SCN11A: variants seen among roughly 807,000 people sequenced by gnomAD.
SCN11A encodes the protein sodium channel protein type 11 subunit alpha.
SCN11A carries 122 observed loss-of-function variants against 162.2 expected under a neutral mutation model. That is an observed-to-expected ratio of 0.75 (90% CI 0.65 to 0.87). The LOEUF is 0.87. SCN11A is among the 40% of genes least tolerant of loss of function. The pLI is 0.00. For synonymous variants in SCN11A, 758 were observed against 751.5 expected, an observed-to-expected ratio of 1.01 and a Z score of -0.14; for missense variants, 2,015 against 2,181.6, an observed-to-expected ratio of 0.92 and a Z score of 1.52.
chr3:38,893,065 G>A (rs904243765), intron 19 of SCN11A, among the ~76,000 whole-genome samples: 8 of 152,102 alleles, frequency 5.3e-5, no homozygotes, highest in African/African-American at 1.4e-4. Context: ...AGAAGGCAGA[G>A]ATTGCCAGAA....
intron 19 of SCN11A, 40 bp from the exon 20 acceptor site, chr3:38,886,278 G>T: frequency 1.5e-6 from 2 of 1,340,506 alleles, no homozygotes; most frequent in Non-Finnish European, 2.1e-6. Flanking sequence ...TATTCCTCCT[G>T]GACATGTCAC....
intron 2 of SCN11A, among the ~76,000 whole-genome samples, chr3:38,985,171 A>G (rs1200086982): frequency 7.4e-6 from 1 of 135,940 alleles, no homozygotes; most frequent in Non-Finnish European, 1.5e-5. Flanking sequence ...TCTGTTGCCC[A>G]GGCTGGAGTG....
chr3:38,990,045 C>T (rs927597459), intron 2 of SCN11A, among the ~76,000 whole-genome samples: 1 of 152,136 alleles, frequency 6.6e-6, no homozygotes, highest in African/African-American at 2.4e-5. Flanking sequence ...AATTGACTTC[C>T]AGGCATTAAA....
In SCN11A at chr3:38,965,715, T is replaced by C. The variant is rs61023065; in HGVS notation, c.-279-5292A>G. Among the ~76,000 whole-genome samples the C allele has an allele frequency of 4.9e-3, 742 of 152,298 alleles. 6 individuals are homozygous for C. Among genetic ancestry groups the C allele is most frequent in the African/African-American group, 0.017 (710 of 41,554 alleles). ...CCTTTCTTTTTCTTTTTTTTTCATATGACAAGGTGTTTATTGGAGTCTTAA... is the reference window on the plus strand; with the variant it reads ...CCTTTCTTTTTCTTTTTTTTTCATACGACAAGGTGTTTATTGGAGTCTTAA... On this transcript the variant is annotated intron_variant, in intron 2 of 29. Coordinates refer to ENST00000302328, the MANE Select transcript of SCN11A (RefSeq NM_001349253.2).
At chr3:38,951,976 A>G (rs2066626910) in intron 4 of SCN11A, among the ~76,000 whole-genome samples, 3 of 152,070 alleles carry the variant, frequency 2.0e-5, no homozygotes, top group Non-Finnish European at 4.4e-5. Context: ...ACACTGTGGA[A>G]GCTTTGTTCT....
At chr3:38,944,121 A>C (rs1228325411) in intron 7 of SCN11A, among the ~76,000 whole-genome samples, 1 of 152,182 alleles carries the variant, frequency 6.6e-6, no homozygotes, top group East Asian at 1.9e-4. Context: ...AAATTGTTTT[A>C]AGTCTAACCC....
chr3:39,008,952 G>C (rs954032484), intron 2 of SCN11A, among the ~76,000 whole-genome samples: 1 of 151,768 alleles, frequency 6.6e-6, no homozygotes, highest in African/African-American at 2.4e-5. Context: ...AGTGGCCCTA[G>C]GGGTCCCTGA....
At chr3:38,937,172 T>C (rs1029238423) in intron 7 of SCN11A, among the ~76,000 whole-genome samples, 1 of 151,756 alleles carries the variant, frequency 6.6e-6, no homozygotes, top group Non-Finnish European at 1.5e-5. Context: ...TAGCCATATG[T>C]AGAAAGCTGA....
chr3:38,932,625 C>T (rs2066260869), intron 7 of SCN11A, among the ~76,000 whole-genome samples: 1 of 152,222 alleles, frequency 6.6e-6, no homozygotes, highest in Non-Finnish European at 1.5e-5. Context: ...ATTGCTAGCA[C>T]AGCAGTCTGA....
chr3:38,863,920 A>G (rs1369725911), intron 27 of SCN11A, among the ~76,000 whole-genome samples: 1 of 152,130 alleles, frequency 6.6e-6, no homozygotes, highest in African/African-American at 2.4e-5. Flanking sequence ...TAAGAAAAAA[A>G]TTGGGGGTCT....
rs146213161 is a variant in SCN11A, at chr3:38,854,713, C to T, written c.4057-3962G>A. 1.7e-4 allele frequency among the ~76,000 whole-genome samples: 26 copies of T among 152,332 alleles called. No homozygotes were observed. The East Asian group carries it at 3.7e-3, about 21-fold the overall frequency. On this transcript the variant is annotated intron_variant, in intron 28 of 29. Transcript: ENST00000302328. ...GGAAAACCTGCCTCCAAACACACAT[C>T]CCCACTGGGGAATCTGAAAATGCAG...
At chr3:38,847,941 C>T (rs2064703339) in intron 29 of SCN11A, among the ~76,000 whole-genome samples, 199 bp from the exon 30 acceptor site, 3 of 152,126 alleles carry the variant, frequency 2.0e-5, no homozygotes, top group Admixed American at 2.0e-4. Context: ...TTTCCAAGGG[C>T]CATACAGTTC....
chr3:38,902,393 T>C (rs1437685921), intron 16 of SCN11A, among the ~76,000 whole-genome samples: 4 of 152,220 alleles, frequency 2.6e-5, no homozygotes, highest in South Asian at 2.1e-4. Flanking sequence ...AAGGAATTTA[T>C]GTGCTATGTG....
intron 1 of SCN11A, among the ~76,000 whole-genome samples, chr3:39,042,974 A>AAAAAAAAAAAAAAG (rs56332636): frequency 1.4e-4 from 15 of 103,680 alleles, no homozygotes; most frequent in African/African-American, 5.9e-4. Flanking sequence ...AAAAAAAAAA[A>AAAAAAAAAAAAAAG]AAAAAGAAAA....
chr3:38,885,469 A>C, intron 20 of SCN11A, 67 bp from the exon 21 acceptor site: 1 of 863,664 alleles, frequency 1.2e-6, no homozygotes, highest in Non-Finnish European at 1.9e-6. Flanking sequence ...AGTAGTACGG[A>C]GTTTCTCATT....
chr3:38,894,389 G>A, intron 19 of SCN11A, 144 bp downstream of exon 19: 1 of 705,292 alleles, frequency 1.4e-6, no homozygotes, highest in South Asian at 1.8e-5. Context: ...AACCTGTCCT[G>A]AGATGTGCAC....
chr3:38,950,093 T>A lies in SCN11A; in HGVS notation c.267+3A>T. On this transcript the variant is annotated splice_donor_region_variant and intron_variant, in intron 5 of 29. Coordinates refer to ENST00000302328, the MANE Select transcript of SCN11A (RefSeq NM_001349253.2). Reference sequence around the variant, plus strand: ...CACCCCCCCCCCCCGCCCAATGAAGTACCTTATGATTTCGGTAGAATGGGT... The same window carrying A: ...CACCCCCCCCCCCCGCCCAATGAAGAACCTTATGATTTCGGTAGAATGGGT... The A allele has an allele frequency of 2.5e-6, 1 of 401,128 alleles. No individual in the cohort carries two copies. The highest frequency in any genetic ancestry group is 3.8e-6 in the Non-Finnish European group (1 of 261,952). The allele number at this position is 401,128 out of a possible 1,614,324, so 24.8% of individuals were successfully genotyped here. A position where few individuals can be genotyped will look rare whatever the true frequency, so the allele number is the denominator to read the frequency against.
At chr3:38,873,527 T>A (rs1575229658) in intron 23 of SCN11A, among the ~76,000 whole-genome samples, 1 of 152,290 alleles carries the variant, frequency 6.6e-6, no homozygotes, top group Admixed American at 6.5e-5. Flanking sequence ...ATTTAAGTTA[T>A]TAAGTTATTA....
At chr3:38,859,329 C>T (rs114483364) in intron 28 of SCN11A, among the ~76,000 whole-genome samples, 5,362 of 151,846 alleles carry the variant, frequency 0.035, 130 homozygotes, top group South Asian at 0.064. Context: ...AAAAATGATA[C>T]AGGAGATAGT....
Sources: gnomAD v4.1 joint callset for allele counts (sites outside exome capture counted in the v4.1 genomes callset) on GRCh38, gnomAD v4.1.1 for gene constraint, MANE v1.5 for transcripts, NCBI Gene and HGNC (gene_info 2026-07-23, HGNC 2026-07-21) for gene names.